WDR41: variants seen among roughly 807,000 people sequenced by gnomAD.
WDR41 encodes the protein WD repeat-containing protein 41.
Under a neutral mutation model 69.3 loss-of-function variants are expected in WDR41, and 63 were observed. The ratio of observed to expected loss-of-function variants is 0.91; its 90% CI spans 0.74 to 1.12. The LOEUF is 1.12. Ranked by LOEUF, WDR41 falls within the 50% of genes most tolerant of loss-of-function variation. The pLI, the probability that WDR41 is intolerant of heterozygous loss-of-function variation, is 0.00. For missense variants in WDR41, 543 were observed against 534.5 expected, an observed-to-expected ratio of 1.02 and a Z score of -0.16; for synonymous variants, 185 against 192.1, an observed-to-expected ratio of 0.96 and a Z score of 0.31.
intron 1 of WDR41, among the ~76,000 whole-genome samples, chr5:77,511,249 C>T (rs1412505863): frequency 3.9e-5 from 6 of 152,130 alleles, no homozygotes; most frequent in African/African-American, 7.2e-5. Flanking sequence ...CTCCAGTTGA[C>T]GTCTTTTCAA....
intron 1 of WDR41, among the ~76,000 whole-genome samples, chr5:77,620,308 G>A (rs966790948): frequency 6.6e-6 from 1 of 152,176 alleles, no homozygotes; most frequent in Non-Finnish European, 1.5e-5. Flanking sequence ...AAATTAAAGA[G>A]TTTAAAATAG....
intron 1 of WDR41, among the ~76,000 whole-genome samples, chr5:77,517,016 CAA>C (rs11286686): frequency 4.0e-4 from 45 of 112,882 alleles, no homozygotes; most frequent in East Asian, 4.8e-4. Context: ...ACTCCATCTC[CAA>C]AAAAAAAAAA....
At chr5:77,505,820 A>G (rs1802096053) in intron 1 of WDR41, among the ~76,000 whole-genome samples, 2 of 152,228 alleles carry the variant, frequency 1.3e-5, no homozygotes, top group South Asian at 4.1e-4. Flanking sequence ...GTGCTGGGAA[A>G]ACTGGCTAGC....
At chr5:77,515,004 C>T (rs1411739785) in intron 1 of WDR41, among the ~76,000 whole-genome samples, 2 of 152,100 alleles carry the variant, frequency 1.3e-5, no homozygotes, top group African/African-American at 4.8e-5. Context: ...ACATTACTGT[C>T]CACTCCAGTA....
chr5:77,492,868 A>C (rs1382476729), upstream of WDR41, among the ~76,000 whole-genome samples: 1 of 152,246 alleles, frequency 6.6e-6, no homozygotes, highest in Non-Finnish European at 1.5e-5. Context: ...TCTATTTTAC[A>C]CATCAAGAAA....
intron 1 of WDR41, among the ~76,000 whole-genome samples, chr5:77,540,972 T>G (rs1366564128): frequency 6.6e-6 from 1 of 152,058 alleles, no homozygotes; most frequent in Non-Finnish European, 1.5e-5. Context: ...CAGTACAAAA[T>G]CTGAGGCTAC....
intron 1 of WDR41, among the ~76,000 whole-genome samples, chr5:77,554,200 C>T (rs1448984922): frequency 2.6e-5 from 4 of 152,114 alleles, no homozygotes; most frequent in African/African-American, 9.7e-5. Flanking sequence ...TACATTATTC[C>T]ATGCATATAA....
intron 1 of WDR41, among the ~76,000 whole-genome samples, chr5:77,611,513 C>T (rs1365582419): frequency 8.1e-4 from 124 of 152,192 alleles, no homozygotes; most frequent in Admixed American, 2.0e-3. Context: ...CACTCAAAAC[C>T]GCTCAACTAC....
At chr5:77,579,622 A>G (rs1743901245) in intron 1 of WDR41, among the ~76,000 whole-genome samples, 4 of 152,216 alleles carry the variant, frequency 2.6e-5, no homozygotes, top group Admixed American at 2.6e-4. Context: ...TTTCCAGAAA[A>G]CAGAAACTGA....
chr5:77,454,480 C>T (rs902126195), intron 5 of WDR41, among the ~76,000 whole-genome samples: 10 of 152,198 alleles, frequency 6.6e-5, no homozygotes, highest in African/African-American at 1.9e-4. Context: ...TAATAAATTA[C>T]TAATACACAA....
At position 77,540,698 on chromosome 5, in the gene WDR41, C is replaced by T. The variant is rs1413099902; in HGVS notation, c.43-51126G>A. ...CTCCAGCCTGGGTGACAGAGCAAGA[C>T]CCTGTCAAAGAAAAGAAAAGAATGT... On this transcript the variant is annotated intron_variant, in intron 1 of 5. Coordinates refer to the WDR41 transcript ENST00000509971. Among the ~76,000 whole-genome samples the T allele has an allele frequency of 3.7e-5, 5 of 134,454 alleles. No homozygotes were observed. In the Admixed American group the frequency reaches 4.0e-4, roughly 11 times the overall value. 88.2% of individuals were successfully genotyped at this position (134,454 alleles called of 152,430 possible).
At chr5:77,511,978 T>G (rs1802210206) in intron 1 of WDR41, among the ~76,000 whole-genome samples, 1 of 152,158 alleles carries the variant, frequency 6.6e-6, no homozygotes, top group Non-Finnish European at 1.5e-5. Context: ...TCTACCATTC[T>G]TAGGATTTAG....
At chr5:77,611,666 C>T (rs2112341764) in intron 1 of WDR41, among the ~76,000 whole-genome samples, 1 of 152,282 alleles carries the variant, frequency 6.6e-6, no homozygotes, top group Non-Finnish European at 1.5e-5. Context: ...ATTTATAGCA[C>T]TAAATGCCCA....
At chr5:77,490,011 C>G (rs1174369826) in intron 1 of WDR41, among the ~76,000 whole-genome samples, 3 of 152,166 alleles carry the variant, frequency 2.0e-5, no homozygotes, top group African/African-American at 7.2e-5. Context: ...ATTACAAGCA[C>G]TCAATACATG....
At chr5:77,570,022 G>A (rs879844618) in intron 1 of WDR41, among the ~76,000 whole-genome samples, 3 of 152,036 alleles carry the variant, frequency 2.0e-5, no homozygotes, top group Non-Finnish European at 4.4e-5. Context: ...AGTCATGTAC[G>A]TCAAGACAAT....
At chr5:77,478,438 C>G (rs1010274200) in intron 2 of WDR41, among the ~76,000 whole-genome samples, 11 of 152,144 alleles carry the variant, frequency 7.2e-5, no homozygotes, top group Admixed American at 6.5e-4. Flanking sequence ...AAAATAATGG[C>G]AAACCGAATC....
chr5:77,486,573 T>C (rs1487017647), intron 2 of WDR41, among the ~76,000 whole-genome samples: 1 of 152,232 alleles, frequency 6.6e-6, no homozygotes, highest in Admixed American at 6.5e-5. Flanking sequence ...AAGCTGAGAC[T>C]TGAAAAGTGT....
chr5:77,436,146 A>G, intron 12 of WDR41, 115 bp downstream of exon 12: 1 of 1,361,022 alleles, frequency 7.3e-7, no homozygotes, highest in Non-Finnish European at 9.8e-7. Context: ...CAGATCTGAC[A>G]AACACCTACA....
chr5:77,600,055 T>C lies in WDR41; in HGVS notation c.42+20424A>G, dbSNP rs528562156. Among the ~76,000 whole-genome samples, 290 of 152,290 alleles carry C rather than the reference T, an allele frequency of 1.9e-3. 2 individuals are homozygous for C. The highest frequency in any genetic ancestry group is 9.3e-4 in the Non-Finnish European group (63 of 68,024). ...CTCATGCCTCCAGATACAGCTGAAGTGATGTCTTCTACATGGCCTATTCCT... is the reference window on the plus strand; with the variant it reads ...CTCATGCCTCCAGATACAGCTGAAGCGATGTCTTCTACATGGCCTATTCCT... On this transcript the variant is annotated intron_variant, in intron 1 of 5. Coordinates refer to the WDR41 transcript ENST00000509971.
Sources: allele counts gnomAD v4.1 joint callset (sites outside exome capture counted in the v4.1 genomes callset), GRCh38; gene constraint gnomAD v4.1.1; transcripts MANE v1.5; gene names NCBI Gene and HGNC (gene_info 2026-07-23, HGNC 2026-07-21).